Variants in COL23A1 observed in about 807,000 individuals in gnomAD.
The protein encoded by COL23A1 is collagen type XXIII alpha 1 chain.
A neutral mutation model predicts 99.3 loss-of-function variants in COL23A1; 97 were observed. The observed-to-expected ratio is 0.98, with a 90% CI of 0.83 to 1.16. COL23A1 has a LOEUF of 1.16. COL23A1 is among the 50% of genes most tolerant of loss of function. COL23A1 has a pLI of 0.00. For synonymous variants in COL23A1, 320 were observed against 308.2 expected (o/e 1.04, Z -0.40); for missense variants, 762 against 757.4 (o/e 1.01, Z -0.07).
chr5:178,566,990 A>T (rs949601703), intron 1 of COL23A1, among the ~76,000 whole-genome samples: 4 of 152,218 alleles, frequency 2.6e-5, no homozygotes, highest in African/African-American at 9.6e-5. Context: ...ACAAATTATG[A>T]GTAATGAGAG....
At chr5:178,575,445 C>T (rs1190015217) in intron 1 of COL23A1, among the ~76,000 whole-genome samples, 1 of 152,164 alleles carries the variant, frequency 6.6e-6, no homozygotes, top group East Asian at 1.9e-4. Context: ...ACATGTTTTT[C>T]GTGTTAATTT....
At chr5:178,347,471 T>C (rs1196282128) in intron 2 of COL23A1, among the ~76,000 whole-genome samples, 1 of 150,298 alleles carries the variant, frequency 6.7e-6, no homozygotes, top group African/African-American at 2.5e-5. Flanking sequence ...CTCTCTGGGG[T>C]GATGGAAACT....
chr5:178,269,418 CCCGT>C (rs1756119361), intron 6 of COL23A1, among the ~76,000 whole-genome samples: 2 of 51,148 alleles, frequency 3.9e-5, no homozygotes, highest in Non-Finnish European at 7.3e-5. Context: ...CATCCATCCA[CCCGT>C]CCATCCACCC....
At chr5:178,344,798 C>G (rs1760868206) in intron 2 of COL23A1, 3 of 576,386 alleles carry the variant, frequency 5.2e-6, no homozygotes, top group Non-Finnish European at 9.4e-6. Flanking sequence ...CCAAATTTCT[C>G]TTTGTTAAGA....
intron 1 of COL23A1, among the ~76,000 whole-genome samples, chr5:178,571,928 T>C (rs538415905): frequency 9.2e-5 from 14 of 151,544 alleles, no homozygotes; most frequent in South Asian, 2.1e-4. Flanking sequence ...ACTAGCTGGG[T>C]GTGGTGGCGG....
At chr5:178,256,288 G>C in intron 15 of COL23A1, 65 bp downstream of exon 15, 1 of 1,227,936 alleles carries the variant, frequency 8.1e-7, no homozygotes. Context: ...GGGGACAGGG[G>C]CTTCTGAAGC....
intron 18 of COL23A1, 82 bp from the exon 19 acceptor site, chr5:178,249,288 T>TCATGC (rs1764884256): frequency 7.5e-7 from 1 of 1,334,108 alleles, no homozygotes; most frequent in African/African-American, 1.4e-5. Flanking sequence ...AGAGCTTAGT[T>TCATGC]CATGCTAGGG....
Position 178,384,636 on chromosome 5 carries a change from G to C in COL23A1, c.362-77717C>G, listed in dbSNP as rs1002421518. ...TTGACATGGGAAACCAAGGCTCAGA[G>C]GGGGCAGGGCCGGGACTTGGACTCA... is the stretch of plus-strand genomic sequence containing the variant. On this transcript the variant is annotated intron_variant, in intron 2 of 28. Transcript: ENST00000390654. The surrounding 1 kb of genome is among the most constrained non-coding windows in gnomAD (Gnocchi z 5.5). Among the ~76,000 whole-genome samples the C allele has an allele frequency of 2.0e-5, 3 of 152,188 alleles. No homozygotes were observed. Among genetic ancestry groups the C allele is most frequent in the African/African-American group, 7.2e-5 (3 of 41,454 alleles).
intron 2 of COL23A1, among the ~76,000 whole-genome samples, chr5:178,358,417 ATGTGTGTGTATGTGTATGTG>A (rs1561897749): frequency 1.8e-5 from 2 of 111,502 alleles, no homozygotes; most frequent in Non-Finnish European, 3.9e-5. Flanking sequence ...GTGTATGTGT[ATGTGTGTGTATGTGTATGTG>A]TGTATGTGTG....
intron 2 of COL23A1, among the ~76,000 whole-genome samples, chr5:178,501,901 C>G (rs1758556652): frequency 6.6e-6 from 1 of 152,172 alleles, no homozygotes; most frequent in African/African-American, 2.4e-5. Context: ...TCCACCTCCA[C>G]CCGCAGTGGG....
At chr5:178,262,364 T>C (rs1765679557) in intron 9 of COL23A1, 112 bp from the exon 10 acceptor site, 2 of 996,036 alleles carry the variant, frequency 2.0e-6, no homozygotes, top group South Asian at 1.4e-5. Context: ...TCTTATCTCA[T>C]TCTCGCCAAA....
At chr5:178,515,513 C>T (rs1759452851) in intron 2 of COL23A1, among the ~76,000 whole-genome samples, 1 of 152,178 alleles carries the variant, frequency 6.6e-6, no homozygotes, top group African/African-American at 2.4e-5. Context: ...TGCTCTTGCC[C>T]ATCCCACTCC....
chr5:178,240,029 C>T (rs1185475683), intron 27 of COL23A1, among the ~76,000 whole-genome samples: 1 of 152,182 alleles, frequency 6.6e-6, no homozygotes, highest in East Asian at 1.9e-4. Flanking sequence ...GCATCCTGCT[C>T]CAGCCTGTGC....
rs981010107 is a variant in COL23A1 at position 178,488,861 on chromosome 5, T to C, written c.361+71821A>G. 3.3e-5 allele frequency among the ~76,000 whole-genome samples: 5 copies of C among 152,312 alleles called. No homozygotes were observed. In the South Asian group the frequency reaches 8.3e-4, roughly 25 times the overall value. On this transcript the variant is annotated intron_variant, in intron 2 of 28. Transcript: ENST00000390654. Reference sequence around the variant, plus strand: ...GGCTTAGGAAGGAAGAGGTGGTGTCTGAGCACTCACCTGGACTTCTGCAAG... The same window carrying C: ...GGCTTAGGAAGGAAGAGGTGGTGTCCGAGCACTCACCTGGACTTCTGCAAG...
chr5:178,393,347 G>C (rs1303466609), intron 2 of COL23A1, among the ~76,000 whole-genome samples: 1 of 152,168 alleles, frequency 6.6e-6, no homozygotes, highest in Non-Finnish European at 1.5e-5. Flanking sequence ...CATAAAGATG[G>C]GAAGTAAATG....
At chr5:178,246,911 C>T (rs1764729433) in intron 22 of COL23A1, among the ~76,000 whole-genome samples, 1 of 152,170 alleles carries the variant, frequency 6.6e-6, no homozygotes, top group African/African-American at 2.4e-5. Flanking sequence ...CAGGCTCGGG[C>T]CTGGGCTTCC....
At chr5:178,245,905 G>T in intron 25 of COL23A1, 37 bp downstream of exon 25, 1 of 1,612,566 alleles carries the variant, frequency 6.2e-7, no homozygotes, top group South Asian at 1.1e-5. Flanking sequence ...ACACACAAGA[G>T]GCACCCAATT....
At position 178,518,446 on chromosome 5, in the gene COL23A1, G is replaced by A. The variant is rs1487532259; in HGVS notation, c.361+42236C>T. ...CAGACGGGGTGGTGGCCGGGCAGAG[G>A]GGCTCCTCACTTCCCAGTAGGGGCG... On this transcript the variant is annotated intron_variant, in intron 2 of 28. Coordinates refer to ENST00000390654, the MANE Select transcript of COL23A1 (RefSeq NM_173465.4). 1.4e-4 allele frequency among the ~76,000 whole-genome samples: 21 copies of A among 150,206 alleles called. 1 individual carries two copies. The South Asian group carries it at 3.4e-3, about 24-fold the overall frequency.
chr5:178,567,227 C>T (rs142958428), intron 1 of COL23A1, among the ~76,000 whole-genome samples: 4 of 152,092 alleles, frequency 2.6e-5, no homozygotes, highest in African/African-American at 9.6e-5. Flanking sequence ...TACAAACAGT[C>T]ATACCCTAGT....
Sources: gnomAD v4.1 joint callset for allele counts (sites outside exome capture counted in the v4.1 genomes callset) on GRCh38, gnomAD v4.1.1 for gene constraint, Gnocchi (gnomAD v3.1) non-coding constraint, MANE v1.5 for transcripts, NCBI Gene and HGNC (gene_info 2026-07-23, HGNC 2026-07-21) for gene names.